The following DDX54 variants were observed in gnomAD, a reference collection of about 807,000 sequenced individuals.
DDX54 encodes DEAD-box helicase 54, also known as ATP-dependent RNA helicase DDX54.
In DDX54, 67 loss-of-function variants were observed where a neutral mutation model predicts 105.5. That is an observed-to-expected ratio of 0.64 (90% CI 0.52 to 0.78). The LOEUF (loss-of-function observed/expected upper bound fraction) is 0.78, where lower values mean the gene tolerates loss of function less well. DDX54 is among the 30% of genes least tolerant of loss of function. The pLI is 0.00. For synonymous variants in DDX54, 514 were observed against 509.9 expected, an observed-to-expected ratio of 1.01 and a Z score of -0.11; for missense variants, 1,206 against 1,230.5, an observed-to-expected ratio of 0.98 and a Z score of 0.30.
intron 18 of DDX54, 135 bp from the exon 19 acceptor site, chr12:113,161,517 GTCCCACT>G: frequency 1.6e-6 from 1 of 636,878 alleles, no homozygotes; most frequent in South Asian, 2.0e-5. Context: ...CAGCACACAG[GTCCCACT>G]TATTGGAGAT....
Position 113,181,020 on chromosome 12 carries a change from C to G in DDX54, c.213G>C (p.Ser71=). ...PGRPLPTFPT[S]ECTSDVEPDT... is the part of the protein sequence containing the mutation. ...CCGGCTCCACATCCGAGGTGCATTC[C>G]GAGGTGGGGAAGGTGGGCAGGGGTC... Residue 71 remains serine (S), a synonymous_variant, in exon 2 of 20, where the codon TCG becomes TCC. Coordinates refer to ENST00000306014, the MANE Select transcript of DDX54 (RefSeq NM_024072.4). 8 of 1,613,290 alleles carry G rather than the reference C, an allele frequency of 5.0e-6. No homozygotes were observed. Among genetic ancestry groups the G allele is most frequent in the Non-Finnish European group, 6.8e-6 (8 of 1,179,688 alleles).
intron 1 of DDX54, among the ~76,000 whole-genome samples, chr12:113,182,017 C>T (rs746458654): frequency 2.0e-5 from 3 of 151,950 alleles, no homozygotes; most frequent in African/African-American, 7.3e-5. Context: ...AAAGCATTTA[C>T]GGAGCAGCAA....
intron 12 of DDX54, 119 bp downstream of exon 12, chr12:113,169,650 TA>T: frequency 8.2e-7 from 1 of 1,224,070 alleles, no homozygotes. Context: ...TAAAATACAA[TA>T]AAATAAATAA....
At chr12:113,174,008 C>A (rs1350982978) in intron 10 of DDX54, among the ~76,000 whole-genome samples, 7 of 152,006 alleles carry the variant, frequency 4.6e-5, no homozygotes, top group Non-Finnish European at 1.0e-4. Context: ...CACGGCAAAA[C>A]CCCGTCTCCA....
intron 15 of DDX54, 44 bp downstream of exon 15, chr12:113,164,023 T>C (rs1278125800): frequency 6.6e-7 from 1 of 1,514,676 alleles, no homozygotes; most frequent in East Asian, 2.5e-5. Context: ...TAGCCACCCC[T>C]TCCCCATACC....
chr12:113,184,361 CGT>C (rs1403346666), intron 1 of DDX54, among the ~76,000 whole-genome samples: 17 of 152,178 alleles, frequency 1.1e-4, no homozygotes, highest in African/African-American at 3.9e-4. Flanking sequence ...GGTTTACAGG[CGT>C]GTAGCCACTA....
chr12:113,178,982 T>C lies in DDX54; in HGVS notation c.609A>G (p.Gly203=). The C allele has an allele frequency of 6.2e-7, 1 of 1,614,094 alleles. No individual in the cohort carries two copies. Among genetic ancestry groups the C allele is most frequent in the South Asian group, 1.1e-5 (1 of 91,050 alleles). ...ATGGGGTGCAGGGACCTTACCTGTC[T>C]CCACCCAGGATCAGGGCAGTCTTGA... is the stretch of plus-strand genomic sequence containing the variant. ...TGLKTALILG[G]DRMEDQFAAL... Residue 203 remains glycine (G), a synonymous_variant, in exon 5 of 20, where the codon GGA becomes GGG. Coordinates refer to ENST00000306014, the MANE Select transcript of DDX54 (RefSeq NM_024072.4).
chr12:113,180,960 CTTCTTG>C lies in DDX54; in HGVS notation c.267_272del (p.Asn89_Lys90del). 6.2e-7 allele frequency: 1 copy of C among 1,613,866 alleles called. No homozygotes were observed. The highest frequency in any genetic ancestry group is 8.5e-7 in the Non-Finnish European group (1 of 1,179,874). On this transcript the variant is annotated inframe_deletion, in exon 2 of 20. Coordinates refer to ENST00000306014, the MANE Select transcript of DDX54 (RefSeq NM_024072.4). ...ACTGGAAGCCTCCAGACTTCTTCTT[CTTCTTG>C]TTCTGGGCACGCACCATCTCCCGGG...
In DDX54 at chr12:113,159,078, A is replaced by G. The variant is rs1592995004; in HGVS notation, c.2445T>C (p.Pro815=). The part of the protein sequence containing the change: ...GASRPHAPGT[P]AGRVRPELKT... ...TGAGTTCCGGGCGGACTCGGCCTGC[A>G]GGGGTGCCTGGGGCGTGGGGCCGGG... The change falls in exon 20 of 20, where the codon CCT becomes CCC. Residue 815 remains proline, a synonymous_variant. Coordinates refer to ENST00000306014, the MANE Select transcript of DDX54 (RefSeq NM_024072.4). 1 of 1,607,082 alleles carries G rather than the reference A, an allele frequency of 6.2e-7. No individual in the cohort carries two copies. The highest frequency in any genetic ancestry group is 8.5e-7 in the Non-Finnish European group (1 of 1,177,610).
At chr12:113,180,748 C>T (rs1304342255) in intron 2 of DDX54, among the ~76,000 whole-genome samples, 181 bp downstream of exon 2, 1 of 152,248 alleles carries the variant, frequency 6.6e-6, no homozygotes, top group Non-Finnish European at 1.5e-5. Flanking sequence ...TAACTGCCCT[C>T]TCCTGTGTCA....
chr12:113,184,755 G>A (rs1952506456), intron 1 of DDX54, among the ~76,000 whole-genome samples: 1 of 152,198 alleles, frequency 6.6e-6, no homozygotes, highest in South Asian at 2.1e-4. Flanking sequence ...GAGCCCAGGA[G>A]GCGGAGGCTG....
chr12:113,178,839 G>A (rs1028229965), intron 5 of DDX54, 138 bp downstream of exon 5: 51 of 1,201,442 alleles, frequency 4.2e-5, no homozygotes, highest in Admixed American at 2.7e-4. Context: ...CACTGGGCCC[G>A]GCCTTGTTGG....
chr12:113,176,798 C>T (rs756873493), intron 7 of DDX54, 42 bp downstream of exon 7: 3 of 1,605,284 alleles, frequency 1.9e-6, no homozygotes, highest in Admixed American at 3.3e-5. Context: ...TCTGCTTTCC[C>T]AGTTCAGACA....
At position 113,180,952 on chromosome 12, in the gene DDX54, T is replaced by A; in HGVS notation, c.281A>T (p.Lys94Met). 1 of 1,586,132 alleles carries A rather than the reference T, an allele frequency of 6.3e-7. No homozygotes were observed. Among genetic ancestry groups the A allele is most frequent in the Non-Finnish European group, 8.6e-7 (1 of 1,165,390 alleles). ...MVRAQNKKKK[K>M]SGGFQSMGLS... ...ACCCATGGACTGGAAGCCTCCAGAC[T>A]TCTTCTTCTTCTTGTTCTGGGCACG... The change falls in exon 2 of 20, where the codon AAG (lysine) becomes ATG (methionine). Residue 94 changes from lysine to methionine, a missense_variant. Coordinates refer to ENST00000306014, the MANE Select transcript of DDX54 (RefSeq NM_024072.4).
At chr12:113,168,109 G>A (rs915237682) in intron 12 of DDX54, among the ~76,000 whole-genome samples, 1 of 152,246 alleles carries the variant, frequency 6.6e-6, no homozygotes, top group Non-Finnish European at 1.5e-5. Flanking sequence ...AGGCCCCGCA[G>A]CCCTTTCCTG....
rs1952167237 is a variant in DDX54 at position 113,158,818 on chromosome 12, A to G, written c.*59T>C. On this transcript the variant is annotated 3_prime_UTR_variant, in exon 20 of 20. Transcript: ENST00000306014. The surrounding 1 kb of genome is among the most constrained non-coding windows in gnomAD (Gnocchi z 4.9). ...GCCAGGCACACAGTGGTGCACGGGA[A>G]CGTCTGCTGATGCCCACCCTAAGGC... is the stretch of plus-strand genomic sequence containing the variant. 2.0e-6 allele frequency: 3 copies of G among 1,510,312 alleles called. No individual in the cohort carries two copies. The highest frequency in any genetic ancestry group is 2.7e-6 in the Non-Finnish European group (3 of 1,118,892). The allele number at this position is 1,510,312 out of a possible 1,614,324, so 93.6% of individuals were successfully genotyped here. A position where few individuals can be genotyped will look rare whatever the true frequency, so the allele number is the denominator to read the frequency against.
At chr12:113,165,367 CTAGGGAATGGCTGCCCCA>C (rs1952258391) in intron 14 of DDX54, among the ~76,000 whole-genome samples, 1 of 152,196 alleles carries the variant, frequency 6.6e-6, no homozygotes, top group South Asian at 2.1e-4. Context: ...TCTGTAAGTG[CTAGGGAATGGCTGCCCCA>C]TAGGACCTGC....
In DDX54 at chr12:113,165,678, AG is replaced by A; in HGVS notation, c.1684del (p.Leu562TrpfsTer5). The A allele has an allele frequency of 6.2e-7, 1 of 1,613,502 alleles. No individual in the cohort carries two copies. The highest frequency in any genetic ancestry group is 1.7e-4 in the Middle Eastern group (1 of 6,056). On this transcript the variant is annotated frameshift_variant, in exon 14 of 20. Coordinates refer to ENST00000306014, the MANE Select transcript of DDX54 (RefSeq NM_024072.4). LOFTEE classifies it high-confidence loss of function. ...FEEEELQRLR[L>X]VDSIKNYRSR... ...GCGGTAGTTCTTTATGCTGTCCACC[AG>A]CCTCAGCCGCTGCAGCTCCTCCTCC...
In DDX54 at chr12:113,159,309, T is replaced by C. The variant is rs755743362; in HGVS notation, c.2414-200A>G. The C allele has an allele frequency of 7.7e-4, 450 of 584,726 alleles. 1 individual carries two copies. Among genetic ancestry groups the C allele is most frequent in the Non-Finnish European group, 1.2e-3 (410 of 344,262 alleles). The allele number at this position is 584,726 out of a possible 1,614,324, so 36.2% of individuals were successfully genotyped here. A position where few individuals can be genotyped will look rare whatever the true frequency, so the allele number is the denominator to read the frequency against. ...GTCAATAACACGGGGCCAGAACCGC[T>C]GGGGTTCAAATCCCAGCTGTGACCT... On this transcript the variant is annotated intron_variant, in intron 19 of 19. Coordinates refer to ENST00000306014, the MANE Select transcript of DDX54 (RefSeq NM_024072.4).
Sources: gnomAD v4.1 joint callset for allele counts (sites outside exome capture counted in the v4.1 genomes callset) on GRCh38, gnomAD v4.1.1 for gene constraint, Gnocchi (gnomAD v3.1) non-coding constraint, MANE v1.5 for transcripts, NCBI Gene and HGNC (gene_info 2026-07-23, HGNC 2026-07-21) for gene names.